Variants in MYO3A observed in about 807,000 individuals in gnomAD.
MYO3A encodes myosin-IIIa.
Under a neutral mutation model 192.7 loss-of-function variants are expected in MYO3A, and 180 were observed. That is an observed-to-expected ratio of 0.93 (90% confidence interval 0.83 to 1.06). The LOEUF is 1.06. MYO3A is among the 50% of genes least tolerant of loss of function. The probability of loss-of-function intolerance (pLI) is 0.00; values close to 1 mark genes in which losing one functional copy is unlikely to be tolerated. For synonymous variants in MYO3A, 628 were observed against 645.3 expected (o/e 0.97, Z 0.41); for missense variants, 1,896 against 1,905.0 (o/e 1.00, Z 0.09).
intron 18 of MYO3A, among the ~76,000 whole-genome samples, chr10:26,121,800 A>G (rs963780153): frequency 4.6e-5 from 7 of 152,078 alleles, no homozygotes; most frequent in African/African-American, 1.7e-4. Context: ...ATTTTTATTT[A>G]TATACTTTTT....
intron 4 of MYO3A, among the ~76,000 whole-genome samples, chr10:25,989,649 T>C (rs139148494): frequency 1.8e-3 from 270 of 152,114 alleles, no homozygotes; most frequent in African/African-American, 6.4e-3. Flanking sequence ...TGGCACAAAG[T>C]AAGTATGCAA....
In MYO3A at chr10:26,052,188, A is replaced by G. The variant is rs532384432; in HGVS notation, c.954-14787A>G. On this transcript the variant is annotated intron_variant, in intron 10 of 34. Coordinates refer to ENST00000642920, the MANE Select transcript of MYO3A (RefSeq NM_017433.5). ...TGGGTACACAAGTACATACATAGCTAAACATGTACGGATTTTCATCTACTT... is the reference window on the plus strand; with the variant it reads ...TGGGTACACAAGTACATACATAGCTGAACATGTACGGATTTTCATCTACTT... 9.2e-5 allele frequency among the ~76,000 whole-genome samples: 14 copies of G among 152,362 alleles called. No homozygotes were observed. In the South Asian group the frequency reaches 2.5e-3, roughly 27 times the overall value.
chr10:26,131,863 A>G (rs906218593), intron 20 of MYO3A, among the ~76,000 whole-genome samples: 2 of 152,236 alleles, frequency 1.3e-5, no homozygotes, highest in Non-Finnish European at 2.9e-5. Flanking sequence ...GAAGATGATC[A>G]GCCAAGAAGT....
intron 15 of MYO3A, among the ~76,000 whole-genome samples, chr10:26,092,262 T>C (rs2131534413): frequency 6.6e-6 from 1 of 152,200 alleles, no homozygotes; most frequent in African/African-American, 2.4e-5. Context: ...GGTCAGGAGA[T>C]TGAGACCATC....
At chr10:26,114,403 A>C (rs1348892420) in intron 17 of MYO3A, among the ~76,000 whole-genome samples, 1 of 152,206 alleles carries the variant, frequency 6.6e-6, no homozygotes, top group Non-Finnish European at 1.5e-5. Flanking sequence ...TCCATTCCCA[A>C]AACAAAATCA....
chr10:26,081,133 T>TTCCCCCCCCCCCCC (rs1835903762), intron 14 of MYO3A, among the ~76,000 whole-genome samples: 2 of 84,940 alleles, frequency 2.4e-5, no homozygotes, highest in Non-Finnish European at 5.0e-5. Context: ...TATATGCCCT[T>TTCCCCCCCCCCCCC]CCCCCCCCCC....
At chr10:26,125,335 C>A in intron 18 of MYO3A, 63 bp from the exon 19 acceptor site, 1 of 1,466,364 alleles carries the variant, frequency 6.8e-7, no homozygotes, top group Non-Finnish European at 9.5e-7. Flanking sequence ...AAGACATTTT[C>A]ATTTTTGGGG....
intron 18 of MYO3A, among the ~76,000 whole-genome samples, chr10:26,122,143 A>T (rs1012120469): frequency 1.3e-5 from 2 of 152,234 alleles, no homozygotes; most frequent in Admixed American, 1.3e-4. Context: ...CAGAAGAGCT[A>T]GCAGCAGCCA....
At chr10:25,990,996 A>G (rs1186157688) in intron 4 of MYO3A, among the ~76,000 whole-genome samples, 1 of 152,186 alleles carries the variant, frequency 6.6e-6, no homozygotes, top group Non-Finnish European at 1.5e-5. Context: ...TCTTTATAGC[A>G]GCATGATTTA....
intron 4 of MYO3A, among the ~76,000 whole-genome samples, chr10:25,982,761 G>A (rs1839411139): frequency 6.6e-6 from 1 of 152,100 alleles, no homozygotes; most frequent in Non-Finnish European, 1.5e-5. Context: ...CCATATCAAG[G>A]GAGCACCCTG....
At chr10:26,068,514 T>G (rs934551282) in intron 11 of MYO3A, among the ~76,000 whole-genome samples, 1 of 152,188 alleles carries the variant, frequency 6.6e-6, no homozygotes, top group Non-Finnish European at 1.5e-5. Flanking sequence ...TTAAAATTCC[T>G]GTGACACATA....
intron 14 of MYO3A, 81 bp downstream of exon 14, chr10:26,070,482 C>A (rs1197748578): frequency 1.7e-6 from 2 of 1,158,676 alleles, no homozygotes; most frequent in African/African-American, 1.5e-5. Flanking sequence ...GATTAATATT[C>A]TCTAGTATCT....
At chr10:26,098,018 T>A (rs1837163537) in intron 17 of MYO3A, among the ~76,000 whole-genome samples, 1 of 152,220 alleles carries the variant, frequency 6.6e-6, no homozygotes, top group South Asian at 2.1e-4. Flanking sequence ...GTTGAACTAG[T>A]TTACAGTCCC....
chr10:26,055,665 A>G (rs904160553), intron 10 of MYO3A, among the ~76,000 whole-genome samples: 4 of 152,296 alleles, frequency 2.6e-5, no homozygotes, highest in Admixed American at 2.6e-4. Context: ...TCAGGGAGAG[A>G]GGAAAAAGTG....
At chr10:26,041,022 T>A (rs1265933625) in intron 10 of MYO3A, among the ~76,000 whole-genome samples, 1 of 152,064 alleles carries the variant, frequency 6.6e-6, no homozygotes, top group African/African-American at 2.4e-5. Context: ...TTTATTGGGG[T>A]TTATCTCTCT....
At chr10:26,205,571 C>A (rs1843883723) in intron 34 of MYO3A, among the ~76,000 whole-genome samples, 1 of 144,596 alleles carries the variant, frequency 6.9e-6, no homozygotes, top group South Asian at 2.3e-4. Flanking sequence ...TCCAGGTTCA[C>A]TCGTGTTGTT....
intron 15 of MYO3A, among the ~76,000 whole-genome samples, chr10:26,089,482 C>T (rs1836557505): frequency 6.6e-6 from 1 of 151,646 alleles, no homozygotes; most frequent in South Asian, 2.1e-4. Flanking sequence ...GTGCTTGTAG[C>T]CCCAGCTACT....
At chr10:26,126,527 T>C (rs1172063727) in intron 19 of MYO3A, among the ~76,000 whole-genome samples, 1 of 152,180 alleles carries the variant, frequency 6.6e-6, no homozygotes, top group Non-Finnish European at 1.5e-5. Context: ...CTTGTGTACC[T>C]CCTGGGTACT....
chr10:26,005,331 T>C (rs1841120553), intron 6 of MYO3A, among the ~76,000 whole-genome samples: 1 of 152,136 alleles, frequency 6.6e-6, no homozygotes, highest in African/African-American at 2.4e-5. Flanking sequence ...AATGTTAAGT[T>C]CATGAAATTC....
Sources: allele counts gnomAD v4.1 joint callset (sites outside exome capture counted in the v4.1 genomes callset), GRCh38; gene constraint gnomAD v4.1.1; transcripts MANE v1.5; gene names NCBI Gene and HGNC (gene_info 2026-07-23, HGNC 2026-07-21).